TTC27: variants seen among roughly 807,000 people sequenced by gnomAD.
TTC27 encodes tetratricopeptide repeat domain 27.
A neutral mutation model predicts 115.9 loss-of-function variants in TTC27; 79 were observed. The observed-to-expected ratio is 0.68, with a 90% CI of 0.57 to 0.82. The LOEUF is 0.82. Among genes scored for constraint, TTC27 ranks in the 40% least tolerant of loss-of-function variants. TTC27 has a pLI of 0.00. For synonymous variants in TTC27, 401 were observed against 356.0 expected (o/e 1.13, Z -1.42); for missense variants, 1,054 against 993.1 (o/e 1.06, Z -0.82).
intron 16 of TTC27, among the ~76,000 whole-genome samples, chr2:32,800,031 T>C (rs1463634978): frequency 6.6e-6 from 1 of 152,220 alleles, no homozygotes; most frequent in African/African-American, 2.4e-5. Flanking sequence ...TTAACCACTT[T>C]GTGCCTCAGT....
Position 32,670,649 on chromosome 2 carries a change from G to A in TTC27, c.940-1623G>A, listed in dbSNP as rs186703315. ...TTTTTTATTTTTGAAATGGAATCTC[G>A]CTCTATTGCCCAGGCTGGAGTGCAG... On this transcript the variant is annotated intron_variant, in intron 7 of 19. Coordinates refer to ENST00000317907, the MANE Select transcript of TTC27 (RefSeq NM_017735.5). Among the ~76,000 whole-genome samples, 404 of 151,130 alleles carry A rather than the reference G, an allele frequency of 2.7e-3. 6 individuals are homozygous for A. The highest frequency in any genetic ancestry group is 9.2e-3 in the African/African-American group (380 of 41,122).
intron 10 of TTC27, among the ~76,000 whole-genome samples, chr2:32,713,638 G>C (rs1667656505): frequency 6.6e-6 from 1 of 152,148 alleles, no homozygotes; most frequent in South Asian, 2.1e-4. Flanking sequence ...GCATTGAATT[G>C]GAAATTTGAG....
intron 5 of TTC27, among the ~76,000 whole-genome samples, chr2:32,654,365 G>C (rs948018912): frequency 6.6e-6 from 1 of 151,894 alleles, no homozygotes; most frequent in East Asian, 1.9e-4. Context: ...GCCAAAGATG[G>C]TATAGTAGTG....
intron 5 of TTC27, among the ~76,000 whole-genome samples, chr2:32,658,329 G>T (rs1665412884): frequency 6.6e-6 from 1 of 151,906 alleles, no homozygotes; most frequent in Non-Finnish European, 1.5e-5. Flanking sequence ...TGCCCAGACT[G>T]GTCTTGAATT....
At chr2:32,736,590 C>T (rs1326466374) in intron 11 of TTC27, 104 bp from the exon 12 acceptor site, 12 of 1,222,280 alleles carry the variant, frequency 9.8e-6, no homozygotes, top group Non-Finnish European at 1.3e-5. Context: ...ACATTTATTA[C>T]AATAAGCAGA....
intron 9 of TTC27, among the ~76,000 whole-genome samples, chr2:32,698,421 C>G (rs1389476918): frequency 8.3e-6 from 1 of 119,800 alleles, no homozygotes; most frequent in African/African-American, 2.7e-5. Context: ...TAAGCCATCT[C>G]ACCCAGCCAT....
At chr2:32,694,491 G>C (rs1666917622) in intron 9 of TTC27, among the ~76,000 whole-genome samples, 1 of 151,954 alleles carries the variant, frequency 6.6e-6, no homozygotes, top group East Asian at 1.9e-4. Flanking sequence ...GATCACTTGA[G>C]GCCAGCAGTT....
At chr2:32,793,554 G>T (rs1370293598) in intron 16 of TTC27, among the ~76,000 whole-genome samples, 1 of 152,104 alleles carries the variant, frequency 6.6e-6, no homozygotes, top group Non-Finnish European at 1.5e-5. Flanking sequence ...ATGGAGTCTC[G>T]CTCTGTCACC....
intron 7 of TTC27, among the ~76,000 whole-genome samples, chr2:32,667,650 A>G (rs1360989187): frequency 2.0e-5 from 3 of 151,130 alleles, no homozygotes; most frequent in Non-Finnish European, 4.4e-5. Flanking sequence ...TCGCAACCTC[A>G]GGTGATCCAC....
intron 2 of TTC27, among the ~76,000 whole-genome samples, chr2:32,631,300 C>G (rs765920757): frequency 7.9e-4 from 120 of 151,858 alleles, no homozygotes; most frequent in Non-Finnish European, 1.1e-3. Context: ...GAGACTCTGT[C>G]TCAAAAAAAA....
chr2:32,770,698 G>A (rs1360935863), intron 13 of TTC27, among the ~76,000 whole-genome samples: 1 of 152,178 alleles, frequency 6.6e-6, no homozygotes, highest in Non-Finnish European at 1.5e-5. Context: ...AGACTTCTAT[G>A]ATACAGTACT....
At chr2:32,812,019 T>G (rs1206015613) in intron 17 of TTC27, among the ~76,000 whole-genome samples, 1 of 152,148 alleles carries the variant, frequency 6.6e-6, no homozygotes, top group Non-Finnish European at 1.5e-5. Flanking sequence ...CTTCCATTTC[T>G]CCTTGAATTA....
intron 3 of TTC27, 41 bp downstream of exon 3, chr2:32,634,046 T>C: frequency 6.4e-7 from 1 of 1,572,690 alleles, no homozygotes; most frequent in Non-Finnish European, 8.6e-7. Context: ...ATTATTATGT[T>C]ATTTATTTTT....
intron 13 of TTC27, among the ~76,000 whole-genome samples, chr2:32,769,963 G>A (rs1356655482): frequency 1.3e-5 from 2 of 152,122 alleles, no homozygotes; most frequent in African/African-American, 2.4e-5. Flanking sequence ...AATGCTTTTG[G>A]GTGGCCTTGT....
intron 1 of TTC27, among the ~76,000 whole-genome samples, chr2:32,628,914 C>T (rs2063535620): frequency 6.6e-6 from 1 of 151,672 alleles, no homozygotes; most frequent in African/African-American, 2.4e-5. Context: ...GCATGCGCCA[C>T]CACGCCCGGC....
At chr2:32,672,460 A>G in intron 8 of TTC27, 76 bp downstream of exon 8, 5 of 1,170,902 alleles carry the variant, frequency 4.3e-6, no homozygotes, top group Non-Finnish European at 6.3e-6. Context: ...TCTTTATTCA[A>G]GGAGGTTCCA....
chr2:32,775,192 G>A (rs1299547647), intron 13 of TTC27, among the ~76,000 whole-genome samples: 2 of 152,070 alleles, frequency 1.3e-5, no homozygotes, highest in South Asian at 2.1e-4. Context: ...ATTTACATGT[G>A]TTTTTGTTTG....
intron 10 of TTC27, among the ~76,000 whole-genome samples, chr2:32,718,224 G>T (rs983908112): frequency 6.6e-6 from 1 of 151,756 alleles, no homozygotes; most frequent in Non-Finnish European, 1.5e-5. Flanking sequence ...TCTGAATTTG[G>T]AATTTTAGTA....
intron 5 of TTC27, among the ~76,000 whole-genome samples, chr2:32,655,014 A>G (rs543158218): frequency 8.8e-5 from 13 of 147,778 alleles, no homozygotes; most frequent in Admixed American, 3.4e-4. Flanking sequence ...TTTGAGACAG[A>G]GTTTCACTCT....
Sources: allele counts gnomAD v4.1 joint callset (sites outside exome capture counted in the v4.1 genomes callset), GRCh38; gene constraint gnomAD v4.1.1; transcripts MANE v1.5; gene names NCBI Gene and HGNC (gene_info 2026-07-23, HGNC 2026-07-21).